COL3A1: variants seen among roughly 807,000 people sequenced by gnomAD.
The protein encoded by COL3A1 is collagen alpha-1(III) chain.
A neutral mutation model predicts 200.9 loss-of-function variants in COL3A1; 46 were observed. The observed-to-expected ratio is 0.23, with a 90% CI of 0.18 to 0.29. COL3A1 has a LOEUF of 0.29. Among genes scored for constraint, COL3A1 ranks in the 10% least tolerant of loss-of-function variants. COL3A1 has a pLI of 1.00. For synonymous variants in COL3A1, 650 were observed against 628.0 expected, an observed-to-expected ratio of 1.03 and a Z score of -0.52; for missense variants, 1,367 against 1,917.6, an observed-to-expected ratio of 0.71 and a Z score of 5.36.
chr2:188,983,228 C>A (rs1316238483), intron 1 of COL3A1, among the ~76,000 whole-genome samples: 4 of 151,870 alleles, frequency 2.6e-5, no homozygotes, highest in East Asian at 1.9e-4. Context: ...TATTTGCCTA[C>A]TTAAAATTGC....
chr2:188,987,174 T>G (rs1423425761), intron 5 of COL3A1, 35 bp downstream of exon 5: 1 of 1,543,474 alleles, frequency 6.5e-7, no homozygotes. Flanking sequence ...TTTGGAGCTT[T>G]ATTATCTTTC....
At chr2:188,998,875 A>G (rs1688389498) in intron 29 of COL3A1, among the ~76,000 whole-genome samples, 157 bp downstream of exon 29, 1 of 152,240 alleles carries the variant, frequency 6.6e-6, no homozygotes, top group Admixed American at 6.5e-5. Context: ...GACACTTTCA[A>G]TACATTAAAT....
intron 1 of COL3A1, among the ~76,000 whole-genome samples, chr2:188,975,194 C>G (rs185290159): frequency 5.3e-5 from 8 of 152,174 alleles, no homozygotes; most frequent in Admixed American, 5.2e-4. Context: ...TTTCTAGTAG[C>G]TTGATATTAA....
intron 16 of COL3A1, 72 bp from the exon 17 acceptor site, chr2:188,993,966 C>T (rs1688241602): frequency 1.4e-6 from 2 of 1,449,510 alleles, no homozygotes; most frequent in Non-Finnish European, 9.6e-7. Context: ...TTTATTTTCA[C>T]ACAAACAACT....
Position 188,999,932 on chromosome 2 carries a change from A to G in COL3A1, c.2283+37A>G, listed in dbSNP as rs373179953. The G allele has an allele frequency of 8.3e-6, 13 of 1,558,410 alleles. No individual in the cohort carries two copies. The African/African-American group carries it at 1.1e-4, about 13-fold the overall frequency. On this transcript the variant is annotated intron_variant, in intron 32 of 50. Coordinates refer to ENST00000304636, the MANE Select transcript of COL3A1 (RefSeq NM_000090.4). ...CAGTGAGGAGAAGCAGGCCTTATCT[A>G]TATGTCATATGGGACAGTCCTGCAC...
intron 15 of COL3A1, 103 bp downstream of exon 15, chr2:188,993,043 A>C (rs1217654281): frequency 2.9e-6 from 3 of 1,045,212 alleles, no homozygotes; most frequent in Non-Finnish European, 4.5e-6. Context: ...TCAAATGGAT[A>C]GCTTTTATCT....
At position 188,974,539 on chromosome 2, in the gene COL3A1, A is replaced by C. The variant is rs1311785540; in HGVS notation, c.50A>C (p.His17Pro). Residue 17 changes from histidine to proline, a missense_variant, in exon 1 of 51, where the codon CAT becomes CCT. Physicochemically the swap from His to Pro is moderately conservative, Grantham distance 77. Coordinates refer to ENST00000304636, the MANE Select transcript of COL3A1 (RefSeq NM_000090.4). The stretch of plus-strand genomic sequence containing the variant: ...AGCTGGCTACTTCTCGCTCTGCTTC[A>C]TCCCACTATTATTTTGGCACAACAG... ...KGSWLLLALL[H>P]PTIILAQQEA... 1 of 1,614,078 alleles carries C rather than the reference A, an allele frequency of 6.2e-7. No individual in the cohort carries two copies.
In COL3A1 at chr2:188,991,027, A is replaced by C. The variant is rs764658912; in HGVS notation, c.822A>C (p.Glu274Asp). ...GHRGFDGRNG[E>D]KGETGAPGLK... ...AGGGCTTCGATGGACGAAATGGAGA[A>C]AAGGGTGAAACAGGTGCTCCTGGAT... The change falls in exon 11 of 51, where the codon GAA (glutamate) becomes GAC (aspartate). Residue 274 changes from glutamate (E) to aspartate (D), a missense_variant. By Grantham distance (45) the Glu-to-Asp change is conservative. Transcript: ENST00000304636. The C allele has an allele frequency of 6.2e-7, 1 of 1,613,386 alleles. No homozygotes were observed. The highest frequency in any genetic ancestry group is 1.1e-5 in the South Asian group (1 of 90,998).
rs368117488 is a variant in COL3A1 at position 188,998,724 on chromosome 2, A to T, written c.2022+6A>T. The T allele has an allele frequency of 7.4e-6, 12 of 1,613,318 alleles. No homozygotes were observed. The African/African-American group carries it at 1.1e-4, about 14-fold the overall frequency. On this transcript the variant is annotated splice_donor_region_variant and intron_variant, in intron 29 of 50. Transcript: ENST00000304636. ...CTGGAGCTCCAGGAGGCAAGGTAGTATTTCAATTTATTCTCTACCTTCTTC... is the reference window on the plus strand; with the variant it reads ...CTGGAGCTCCAGGAGGCAAGGTAGTTTTTCAATTTATTCTCTACCTTCTTC...
chr2:188,985,167 T>G (rs754237637), intron 2 of COL3A1, 30 bp from the exon 3 acceptor site: 3 of 1,606,514 alleles, frequency 1.9e-6, no homozygotes, highest in Non-Finnish European at 2.6e-6. Context: ...TTCTGTGTCT[T>G]GTTTAACTTG....
In COL3A1 at chr2:189,008,673, A is replaced by G. The variant is rs933034833; in HGVS notation, c.3526-251A>G. The G allele has an allele frequency of 1.6e-5, 9 of 562,478 alleles. No individual in the cohort carries two copies. The Admixed American group carries it at 1.9e-4, about 12-fold the overall frequency. The allele number at this position is 562,478 out of a possible 1,614,324, so 34.8% of individuals were successfully genotyped here. A position where few individuals can be genotyped will look rare whatever the true frequency, so the allele number is the denominator to read the frequency against. On this transcript the variant is annotated intron_variant, in intron 47 of 50. Coordinates refer to ENST00000304636, the MANE Select transcript of COL3A1 (RefSeq NM_000090.4). ...CATCAGTCATCCAGAAGGAAGAATGATAGAGAAAACTTGTGCTCTGACACT... is the reference window on the plus strand; with the variant it reads ...CATCAGTCATCCAGAAGGAAGAATGGTAGAGAAAACTTGTGCTCTGACACT...
chr2:188,997,003 G>C (rs1688339053), intron 24 of COL3A1, among the ~76,000 whole-genome samples, 162 bp from the exon 25 acceptor site: 1 of 141,282 alleles, frequency 7.1e-6, no homozygotes, highest in African/African-American at 2.7e-5. Context: ...ATATGTATGT[G>C]TGTGTGTGTA....
At chr2:188,976,237 A>C (rs1687811351) in intron 1 of COL3A1, among the ~76,000 whole-genome samples, 1 of 152,106 alleles carries the variant, frequency 6.6e-6, no homozygotes, top group Non-Finnish European at 1.5e-5. Flanking sequence ...TCGTGGTTGC[A>C]AGCTTTTTAT....
chr2:188,985,566 T>C, intron 3 of COL3A1, 99 bp from the exon 4 acceptor site: 1 of 777,292 alleles, frequency 1.3e-6, no homozygotes, highest in Non-Finnish European at 2.1e-6. Flanking sequence ...ATTACTTATA[T>C]TGTTTCCTAA....
At chr2:188,979,243 TG>T (rs1687898556) in intron 1 of COL3A1, among the ~76,000 whole-genome samples, 2 of 151,998 alleles carry the variant, frequency 1.3e-5, no homozygotes, top group Admixed American at 6.6e-5. Context: ...TGACAGAGAC[TG>T]CATTTCTCAA....
chr2:189,001,307 A>ATTAT, intron 32 of COL3A1, 90 bp from the exon 33 acceptor site: 1 of 1,218,378 alleles, frequency 8.2e-7, no homozygotes, highest in South Asian at 1.3e-5. Context: ...CTAGTTTATT[A>ATTAT]GGTATCTATG....
intron 35 of COL3A1, 35 bp from the exon 36 acceptor site, chr2:189,002,920 G>A (rs1688498960): frequency 7.1e-7 from 1 of 1,399,902 alleles, no homozygotes; most frequent in African/African-American, 1.4e-5. Flanking sequence ...CATAAAGAGT[G>A]TCAGCTGAGA....
At chr2:188,993,484 T>C in intron 16 of COL3A1, 25 bp downstream of exon 16, 2 of 1,510,560 alleles carry the variant, frequency 1.3e-6, no homozygotes, top group Non-Finnish European at 1.8e-6. Context: ...TGAGAGGGAG[T>C]AAGCATAGTT....
In COL3A1 at chr2:188,992,191, G is replaced by T. The variant is rs778179067; in HGVS notation, c.959G>T (p.Arg320Leu). ...RPGLPGAAGA[R>L]GNDGARGSDG... ...GTAAACTTCTCTTTTTAGGGTGCTCGGGGTAATGACGGTGCTCGAGGCAGT... is the reference window on the plus strand; with the variant it reads ...GTAAACTTCTCTTTTTAGGGTGCTCTGGGTAATGACGGTGCTCGAGGCAGT... Residue 320 changes from arginine (R) to leucine (L), a missense_variant, in exon 14 of 51, where the codon CGG (arginine) becomes CTG (leucine). By Grantham distance (102) the Arg-to-Leu change is moderately radical. Coordinates refer to ENST00000304636, the MANE Select transcript of COL3A1 (RefSeq NM_000090.4). 6.2e-7 allele frequency: 1 copy of T among 1,613,740 alleles called. No individual in the cohort carries two copies. The highest frequency in any genetic ancestry group is 8.5e-7 in the Non-Finnish European group (1 of 1,179,922).
Sources: gnomAD v4.1 joint callset for allele counts (sites outside exome capture counted in the v4.1 genomes callset) on GRCh38, gnomAD v4.1.1 for gene constraint, MANE v1.5 for transcripts, NCBI Gene and HGNC (gene_info 2026-07-23, HGNC 2026-07-21) for gene names.